Variants in SCHIP1 observed in about 807,000 individuals in gnomAD.
The protein encoded by SCHIP1 is schwannomin-interacting protein 1.
SCHIP1 carries 8 observed loss-of-function variants against 29.7 expected under a neutral mutation model. The ratio of observed to expected loss-of-function variants is 0.27; its 90% CI spans 0.16 to 0.49. SCHIP1 has a LOEUF of 0.49. SCHIP1 is among the 20% of genes least tolerant of loss of function. SCHIP1 has a pLI of 0.99. For missense variants in SCHIP1, 193 were observed against 294.6 expected, an observed-to-expected ratio of 0.66 and a Z score of 2.52; for synonymous variants, 76 against 94.9, an observed-to-expected ratio of 0.80 and a Z score of 1.16.
chr3:159,320,381 C>A, the SCHIP1 span, among the ~76,000 whole-genome samples: 4 of 152,160 alleles, frequency 2.6e-5, no homozygotes, highest in African/African-American at 9.7e-5. Flanking sequence ...ACCATGGAGG[C>A]ACCCTGATCT....
the SCHIP1 span, among the ~76,000 whole-genome samples, chr3:159,385,005 C>T: frequency 9.2e-5 from 14 of 151,462 alleles, no homozygotes; most frequent in Non-Finnish European, 1.6e-4. Flanking sequence ...TCTCTCTTTT[C>T]TTCTTTATTA....
chr3:159,583,792 G>A, the SCHIP1 span, among the ~76,000 whole-genome samples: 38 of 152,184 alleles, frequency 2.5e-4, no homozygotes, highest in African/African-American at 8.2e-4. Flanking sequence ...CAATGATTAC[G>A]TTAGTTTTGT....
the SCHIP1 span, among the ~76,000 whole-genome samples, chr3:159,360,366 C>T: frequency 3.3e-5 from 5 of 152,186 alleles, no homozygotes; most frequent in South Asian, 1.0e-3. Context: ...TTGTAACTAC[C>T]ACTGCAAACA....
At chr3:159,647,693 C>T in the SCHIP1 span, among the ~76,000 whole-genome samples, 1 of 152,068 alleles carries the variant, frequency 6.6e-6, no homozygotes, top group African/African-American at 2.4e-5. Context: ...CTGGACTGGT[C>T]CAAGATAAAA....
intron 2 of SCHIP1, among the ~76,000 whole-genome samples, chr3:159,871,565 A>G (rs1246339175): frequency 6.6e-6 from 1 of 152,184 alleles, no homozygotes; most frequent in Non-Finnish European, 1.5e-5. Context: ...TCACTATAGA[A>G]TGGCTGAATA....
chr3:159,645,576 T>G, the SCHIP1 span, among the ~76,000 whole-genome samples: 3 of 152,128 alleles, frequency 2.0e-5, no homozygotes, highest in Admixed American at 1.3e-4. Context: ...CCAGGCACCC[T>G]CTGCGTGTAT....
At chr3:159,398,911 A>G in the SCHIP1 span, 1 of 961,994 alleles carries the variant, frequency 1.0e-6, no homozygotes, top group Non-Finnish European at 1.2e-6. Context: ...ACAGTCAGAT[A>G]TACTATACAG....
chr3:159,744,877 C>A, the SCHIP1 span, among the ~76,000 whole-genome samples: 1 of 152,212 alleles, frequency 6.6e-6, no homozygotes, highest in African/African-American at 2.4e-5. Context: ...CCCAGCTACT[C>A]GGGAGGCTGA....
chr3:159,310,803 T>C, the SCHIP1 span, among the ~76,000 whole-genome samples: 3 of 152,208 alleles, frequency 2.0e-5, no homozygotes, highest in African/African-American at 7.2e-5. Context: ...GAAAGGTTAA[T>C]GACATTTTTT....
the SCHIP1 span, among the ~76,000 whole-genome samples, chr3:159,438,128 T>C: frequency 6.6e-6 from 1 of 152,274 alleles, no homozygotes; most frequent in East Asian, 1.9e-4. Context: ...TTCCTAAATA[T>C]TTAGCTGCAG....
chr3:159,480,885 C>T, the SCHIP1 span, among the ~76,000 whole-genome samples: 35 of 152,028 alleles, frequency 2.3e-4, no homozygotes, highest in Middle Eastern at 6.8e-3. Context: ...AGGGTGAGTC[C>T]GAAAAGAGGG....
the SCHIP1 span, among the ~76,000 whole-genome samples, chr3:159,335,717 CCA>C: frequency 6.6e-6 from 1 of 152,116 alleles, no homozygotes; most frequent in Non-Finnish European, 1.5e-5. Context: ...TGTATATGTG[CCA>C]CATTTTCTTA....
At chr3:159,679,700 A>G in the SCHIP1 span, among the ~76,000 whole-genome samples, 1 of 152,120 alleles carries the variant, frequency 6.6e-6, no homozygotes, top group Non-Finnish European at 1.5e-5. Context: ...AGGGCTCTGG[A>G]GAAGCTCTCC....
chr3:159,814,427 TATAA>T, the SCHIP1 span, among the ~76,000 whole-genome samples: 2 of 152,320 alleles, frequency 1.3e-5, no homozygotes, highest in African/African-American at 4.8e-5. Context: ...CCCAGTGCTC[TATAA>T]GGTTTCTAGG....
At chr3:159,891,320 G>A (rs1233107922) in intron 5 of SCHIP1, among the ~76,000 whole-genome samples, 3 of 151,980 alleles carry the variant, frequency 2.0e-5, no homozygotes, top group Non-Finnish European at 4.4e-5. Context: ...GCAATGAGCC[G>A]AGATCGTGCC....
At chr3:159,694,047 C>A in the SCHIP1 span, among the ~76,000 whole-genome samples, 1 of 152,102 alleles carries the variant, frequency 6.6e-6, no homozygotes, top group African/African-American at 2.4e-5. Context: ...TATGCACTCA[C>A]CTATCTGTGA....
At chr3:159,453,690 G>A in the SCHIP1 span, among the ~76,000 whole-genome samples, 1 of 152,182 alleles carries the variant, frequency 6.6e-6, no homozygotes, top group Non-Finnish European at 1.5e-5. Flanking sequence ...AAATATTAAT[G>A]TTATGCTCAT....
intron 2 of SCHIP1, among the ~76,000 whole-genome samples, chr3:159,876,959 A>G (rs551959440): frequency 1.3e-5 from 2 of 152,200 alleles, no homozygotes; most frequent in South Asian, 4.2e-4. Flanking sequence ...ACCAGTGCCC[A>G]CCTCCTCCTT....
At chr3:159,361,310 T>C in the SCHIP1 span, among the ~76,000 whole-genome samples, 5 of 152,160 alleles carry the variant, frequency 3.3e-5, no homozygotes, top group Admixed American at 2.6e-4. Flanking sequence ...GAAAGGCAAT[T>C]AGTTATGAAG....
Sources: allele counts gnomAD v4.1 joint callset (sites outside exome capture counted in the v4.1 genomes callset), GRCh38; gene constraint gnomAD v4.1.1; transcripts MANE v1.5; gene names NCBI Gene and HGNC (gene_info 2026-07-23, HGNC 2026-07-21).